The following TACC2 variants were observed in gnomAD, a reference collection of about 807,000 sequenced individuals.
The protein encoded by TACC2 is transforming acidic coiled-coil containing protein 2.
Under a neutral mutation model 227.3 loss-of-function variants are expected in TACC2, and 137 were observed. The observed-to-expected ratio is 0.60, with a 90% CI of 0.52 to 0.69. The LOEUF is 0.69. Among genes scored for constraint, TACC2 ranks in the 30% least tolerant of loss-of-function variants. The pLI, the probability that TACC2 is intolerant of heterozygous loss-of-function variation, is 0.00. For synonymous variants in TACC2, 1,523 were observed against 1,487.5 expected, an observed-to-expected ratio of 1.02 and a Z score of -0.55; for missense variants, 3,470 against 3,694.4, an observed-to-expected ratio of 0.94 and a Z score of 1.57.
chr10:122,108,091 C>G (rs1048089206), intron 5 of TACC2, among the ~76,000 whole-genome samples: 1 of 151,302 alleles, frequency 6.6e-6, no homozygotes, highest in Non-Finnish European at 1.5e-5. Context: ...TGGGGTTTCA[C>G]CATGTTAGCC....
At chr10:122,031,756 G>C (rs1404544931) in intron 2 of TACC2, among the ~76,000 whole-genome samples, 5 of 151,376 alleles carry the variant, frequency 3.3e-5, no homozygotes, top group Non-Finnish European at 7.4e-5. Context: ...CTAGCGTGGA[G>C]TGCAGTGGCA....
At chr10:122,153,257 T>C (rs1485308924) in intron 7 of TACC2, among the ~76,000 whole-genome samples, 2 of 152,222 alleles carry the variant, frequency 1.3e-5, no homozygotes, top group African/African-American at 2.4e-5. Flanking sequence ...CCCAAAGTGC[T>C]GGGATTATAG....
At position 122,087,846 on chromosome 10, in the gene TACC2, G is replaced by A. The variant is rs1289024778; in HGVS notation, c.5346G>A (p.Glu1782=). ...AGGCTAAGGAGCAGCCAGGGCCTGAGCGCCCCATTCCAGCTGGGGATGGGA... is the reference window on the plus strand; with the variant it reads ...AGGCTAAGGAGCAGCCAGGGCCTGAACGCCCCATTCCAGCTGGGGATGGGA... ...PQQAKEQPGP[E]RPIPAGDGKV... The change falls in exon 4 of 23, where the codon GAG becomes GAA. Residue 1782 remains glutamate (E), a synonymous_variant. Transcript: ENST00000369005. 6.5e-7 allele frequency: 1 copy of A among 1,531,536 alleles called. No individual in the cohort carries two copies. Among genetic ancestry groups the A allele is most frequent in the Non-Finnish European group, 8.8e-7 (1 of 1,139,712 alleles). The allele number at this position is 1,531,536 out of a possible 1,614,324, so 94.9% of individuals were successfully genotyped here.
chr10:122,082,965 C>T lies in TACC2; in HGVS notation c.465C>T (p.Pro155=), dbSNP rs149820575. Residue 155 remains proline (P), a synonymous_variant, in exon 4 of 23, where the codon CCC becomes CCT. Coordinates refer to ENST00000369005, the MANE Select transcript of TACC2 (RefSeq NM_206862.4). ...NAPGDIAAAF[P]AERDSSTPYQ... ...CAGGAGACATCGCGGCGGCATTTCC[C>T]GCTGAGAGGGACAGCTCTACTCCAT... The T allele has an allele frequency of 9.9e-6, 16 of 1,612,934 alleles. No individual in the cohort carries two copies. The highest frequency in any genetic ancestry group is 1.7e-5 in the Admixed American group (1 of 60,010).
intron 10 of TACC2, among the ~76,000 whole-genome samples, 161 bp from the exon 11 acceptor site, chr10:122,216,466 T>A (rs928254054): frequency 1.3e-5 from 2 of 151,912 alleles, no homozygotes; most frequent in African/African-American, 4.8e-5. Flanking sequence ...TGTGTGTCCA[T>A]CTGTTTCCTT....
Position 122,084,963 on chromosome 10 carries a change from G to A in TACC2, c.2463G>A (p.Trp821Ter), listed in dbSNP as rs1274025678. The A allele has an allele frequency of 2.5e-6, 4 of 1,614,020 alleles. No individual in the cohort carries two copies. The highest frequency in any genetic ancestry group is 2.2e-5 in the South Asian group (2 of 91,088). ...EGWIRGAASE[W>*]PLLSSEKHLQ... ...GGATAAGAGGAGCTGCATCCGAGTG[G>A]CCCCTACTATCTTCTGAGAAGCATC... The change falls in exon 4 of 23, where the codon TGG (tryptophan) becomes TGA (stop). Residue 821 changes from tryptophan to a stop codon, truncating the protein, a stop_gained. Transcript: ENST00000369005. LOFTEE classifies it high-confidence loss of function.
rs1172721621 is a variant in TACC2, at chr10:122,254,062, A to T, written c.*6A>T. On this transcript the variant is annotated 3_prime_UTR_variant, in exon 23 of 23. Transcript: ENST00000369005. ...CCAAAATGGGGAAAAGCTAACTCTG[A>T]ACCGAATGTTTTGGACTTAACTGTT... The T allele has an allele frequency of 6.2e-7, 1 of 1,613,776 alleles. No individual in the cohort carries two copies. The highest frequency in any genetic ancestry group is 1.3e-5 in the African/African-American group (1 of 74,934).
chr10:122,061,713 C>G (rs937021146), intron 3 of TACC2, among the ~76,000 whole-genome samples: 3 of 152,052 alleles, frequency 2.0e-5, no homozygotes, highest in African/African-American at 7.3e-5. Flanking sequence ...ACCAGAGGCA[C>G]GAAGATGAGC....
At chr10:122,157,633 G>C (rs2092573255) in intron 7 of TACC2, among the ~76,000 whole-genome samples, 1 of 152,080 alleles carries the variant, frequency 6.6e-6, no homozygotes, top group Non-Finnish European at 1.5e-5. Context: ...ACTCCAGCAA[G>C]GGCTTAGGTC....
intron 22 of TACC2, 131 bp from the exon 23 acceptor site, chr10:122,253,860 A>C (rs2096294225): frequency 2.9e-6 from 2 of 693,256 alleles, no homozygotes; most frequent in Non-Finnish European, 5.1e-6. Context: ...TTTGGCTCCA[A>C]GTCATTTGTC....
At chr10:122,109,408 A>C (rs1386715593) in intron 5 of TACC2, among the ~76,000 whole-genome samples, 1 of 152,208 alleles carries the variant, frequency 6.6e-6, no homozygotes, top group Non-Finnish European at 1.5e-5. Flanking sequence ...GTACTGAATC[A>C]GAATGCCCGG....
intron 5 of TACC2, among the ~76,000 whole-genome samples, chr10:122,099,267 T>C (rs1171205683): frequency 1.3e-5 from 2 of 152,022 alleles, no homozygotes; most frequent in Admixed American, 6.6e-5. Flanking sequence ...ATGGCCAGAG[T>C]TGGCAGACTG....
At position 122,050,091 on chromosome 10, in the gene TACC2, C is replaced by T. The variant is rs544754671; in HGVS notation, c.34-347C>T. On this transcript the variant is annotated intron_variant, in intron 2 of 22. Transcript: ENST00000369005. This position sits in a 1 kb window ranked among gnomAD's most constrained non-coding sequence, Gnocchi z 4.6. ...TCAGGAGTGCCACAAACAAATTGGA[C>T]ACTTTCAAGTCTTAGTTTAAATGCT... is the stretch of plus-strand genomic sequence containing the variant. Among the ~76,000 whole-genome samples the T allele has an allele frequency of 6.6e-6, 1 of 152,172 alleles. No individual in the cohort carries two copies. The highest frequency in any genetic ancestry group is 1.5e-5 in the Non-Finnish European group (1 of 68,038).
chr10:122,054,634 A>G (rs1432281389), intron 3 of TACC2, among the ~76,000 whole-genome samples: 1 of 152,116 alleles, frequency 6.6e-6, no homozygotes, highest in African/African-American at 2.4e-5. Flanking sequence ...CTGTGCTTCC[A>G]TTTCCTGTGC....
At chr10:121,989,950 G>A (rs1035083248) in intron 1 of TACC2, among the ~76,000 whole-genome samples, 8 of 151,920 alleles carry the variant, frequency 5.3e-5, no homozygotes, top group Non-Finnish European at 1.2e-4. Flanking sequence ...TTACCACCTC[G>A]ACACTTTCTT....
In TACC2 at chr10:122,141,250, C is replaced by CT. The variant is rs2090494557; in HGVS notation, c.5700-2320dup. On this transcript the variant is annotated intron_variant, in intron 6 of 22. Transcript: ENST00000369005. The surrounding 1 kb of genome is among the most constrained non-coding windows in gnomAD (Gnocchi z 4.3). ...GTCTGTGGGGGCCCATGTGTTAGCGCTTGGGCTTGGATGGTGAGTCACTGA... is the reference window on the plus strand; with the variant it reads ...GTCTGTGGGGGCCCATGTGTTAGCGCTTTGGGCTTGGATGGTGAGTCACTGA... 1.3e-5 allele frequency among the ~76,000 whole-genome samples: 2 copies of CT among 152,100 alleles called. No homozygotes were observed. The highest frequency in any genetic ancestry group is 1.3e-4 in the Admixed American group (2 of 15,272).
chr10:122,138,339 C>T (rs2090022583), intron 6 of TACC2, among the ~76,000 whole-genome samples: 1 of 152,142 alleles, frequency 6.6e-6, no homozygotes, highest in Non-Finnish European at 1.5e-5. Context: ...AAAATCTTGT[C>T]TCTACTAAAT....
intron 7 of TACC2, among the ~76,000 whole-genome samples, chr10:122,147,492 G>A (rs1592602977): frequency 6.6e-6 from 1 of 152,162 alleles, no homozygotes; most frequent in Non-Finnish European, 1.5e-5. Context: ...GTGGAAGGAA[G>A]TCACTGTGTG....
intron 2 of TACC2, 64 bp downstream of exon 2, chr10:122,022,078 T>C: frequency 6.5e-7 from 1 of 1,543,678 alleles, no homozygotes. Flanking sequence ...GACTAGGTTC[T>C]TTTTACAGCG....
Sources: gnomAD v4.1 joint callset for allele counts (sites outside exome capture counted in the v4.1 genomes callset) on GRCh38, gnomAD v4.1.1 for gene constraint, Gnocchi (gnomAD v3.1) non-coding constraint, MANE v1.5 for transcripts, NCBI Gene and HGNC (gene_info 2026-07-23, HGNC 2026-07-21) for gene names.